The following DMKN variants were observed in gnomAD, a reference collection of about 807,000 sequenced individuals.
DMKN encodes the protein epidermis-specific secreted protein SK30/SK89.
A neutral mutation model predicts 67.6 loss-of-function variants in DMKN; 58 were observed. The observed-to-expected ratio is 0.86, with a 90% confidence interval of 0.69 to 1.07. DMKN has a LOEUF of 1.07. DMKN is among the 50% of genes least tolerant of loss of function. The probability of loss-of-function intolerance (pLI) is 0.00; values close to 1 mark genes in which losing one functional copy is unlikely to be tolerated. For missense variants in DMKN, 596 were observed against 601.5 expected (o/e 0.99, Z 0.10); for synonymous variants, 240 against 232.3 (o/e 1.03, Z -0.30).
At chr19:35,511,936 T>C in intron 3 of DMKN, 123 bp from the exon 4 acceptor site, 1 of 1,090,462 alleles carries the variant, frequency 9.2e-7, no homozygotes, top group Non-Finnish European at 1.3e-6. Flanking sequence ...CTAATGTGTT[T>C]CTCCCACCTC....
rs542079784 is a variant in DMKN, at chr19:35,507,529, G to A, written c.1039-1543C>T. ...CTTATTTCCTAGGGAGACAGAAAACGGAGAGGAGTTGATGGGGAGGCAGGC... is the reference window on the plus strand; with the variant it reads ...CTTATTTCCTAGGGAGACAGAAAACAGAGAGGAGTTGATGGGGAGGCAGGC... On this transcript the variant is annotated intron_variant, in intron 7 of 15. Transcript: ENST00000339686. 4.9e-5 allele frequency: 76 copies of A among 1,551,346 alleles called. 2 individuals carry two copies. The South Asian group carries it at 5.5e-4, about 11-fold the overall frequency.
intron 7 of DMKN, chr19:35,508,137 T>C: frequency 2.3e-5 from 36 of 1,544,730 alleles, no homozygotes; most frequent in Non-Finnish European, 3.1e-5. Context: ...GTATTGCTCC[T>C]GGAGAACAGA....
chr19:35,497,913 C>T (rs2067712454), intron 15 of DMKN: 1 of 152,208 alleles, frequency 6.6e-6, no homozygotes, highest in Non-Finnish European at 1.5e-5. Context: ...TTTCTTTCTT[C>T]TTTCTCTCTT....
chr19:35,501,803 G>A, intron 11 of DMKN: 1 of 1,554,526 alleles, frequency 6.4e-7, no homozygotes. Context: ...CCCCGCACCT[G>A]TGCACCCTGC....
Position 35,513,438 on chromosome 19 carries a change from G to A in DMKN, c.38C>T (p.Ala13Val), listed in dbSNP as rs2071118246. ...AGCCTCCCCACTGCCCAGGCAGAGG[G>A]CCAGCAGGAGGCAGGCCAGGGGCCC... is the stretch of plus-strand genomic sequence containing the variant. ...FQGPLACLLL[A>V]LCLGSGEAGP... The change falls in exon 1 of 16, where the codon GCC becomes GTC. Residue 13 changes from alanine (A) to valine (V), a missense_variant. Coordinates refer to ENST00000339686, the MANE Select transcript of DMKN (RefSeq NM_033317.5). 1.2e-6 allele frequency: 2 copies of A among 1,601,884 alleles called. No homozygotes were observed. The highest frequency in any genetic ancestry group is 2.2e-5 in the South Asian group (2 of 91,066).
intron 7 of DMKN, chr19:35,506,441 T>G (rs1008240688): frequency 3.1e-6 from 2 of 650,698 alleles, no homozygotes; most frequent in Non-Finnish European, 5.7e-6. Context: ...CATCCTGGTC[T>G]GTCCCCAAAA....
chr19:35,503,068 G>A (rs943484659), intron 9 of DMKN, among the ~76,000 whole-genome samples, 182 bp from the exon 10 acceptor site: 1 of 152,106 alleles, frequency 6.6e-6, no homozygotes, highest in Admixed American at 6.5e-5. Flanking sequence ...GAGAGAGAGA[G>A]GCACTAACCA....
Position 35,511,814 on chromosome 19 carries a change from C to A in DMKN, c.685-1G>T. The A allele has an allele frequency of 6.2e-7, 1 of 1,612,620 alleles. No homozygotes were observed. Among genetic ancestry groups the A allele is most frequent in the Non-Finnish European group, 8.5e-7 (1 of 1,179,218 alleles). On this transcript the variant is annotated splice_acceptor_variant, in intron 3 of 15. Transcript: ENST00000339686. LOFTEE classifies it high-confidence loss of function. ...AGCCAGATGGTGGGGGATTCGTGCA[C>A]TGTCGAGGGAAAGGGATGGTGAGTT... is the stretch of plus-strand genomic sequence containing the variant.
chr19:35,500,068 C>T (rs751121877), intron 12 of DMKN, 39 bp from the exon 13 acceptor site: 5 of 1,610,660 alleles, frequency 3.1e-6, no homozygotes, highest in Non-Finnish European at 4.2e-6. Flanking sequence ...AACAGACGGA[C>T]GAAGGCCATT....
chr19:35,499,919 G>T, intron 13 of DMKN, 39 bp downstream of exon 13: 1 of 1,609,072 alleles, frequency 6.2e-7, no homozygotes, highest in East Asian at 2.2e-5. Flanking sequence ...CCCTCATGCA[G>T]AGCCCCCAGC....
At position 35,511,610 on chromosome 19, in the gene DMKN, G is replaced by T. The variant is rs1306798261; in HGVS notation, c.736-17C>A. ...GCTGCCTCCCTGAGGGGCAGGAAGG[G>T]AGCAGGGCTGGGATTAAAGACAGAG... is the stretch of plus-strand genomic sequence containing the variant. On this transcript the variant is annotated splice_polypyrimidine_tract_variant and intron_variant, in intron 4 of 15. Transcript: ENST00000339686. 6.2e-7 allele frequency: 1 copy of T among 1,610,618 alleles called. No individual in the cohort carries two copies. Among genetic ancestry groups the T allele is most frequent in the Admixed American group, 1.7e-5 (1 of 59,942 alleles).
At chr19:35,499,583 C>T (rs550911116) in intron 13 of DMKN, among the ~76,000 whole-genome samples, 3 of 152,174 alleles carry the variant, frequency 2.0e-5, no homozygotes, top group Non-Finnish European at 4.4e-5. Flanking sequence ...CATCTTCCCC[C>T]GCAAAAAAAG....
chr19:35,501,722 G>T, intron 11 of DMKN: 1 of 1,257,790 alleles, frequency 8.0e-7, no homozygotes, highest in Non-Finnish European at 1.1e-6. Context: ...CCTGCACACC[G>T]CCCTCCCGTT....
At chr19:35,511,184 A>G (rs1654823076) in intron 5 of DMKN, among the ~76,000 whole-genome samples, 1 of 152,074 alleles carries the variant, frequency 6.6e-6, no homozygotes, top group Admixed American at 6.6e-5. Flanking sequence ...AAATAGGGAT[A>G]CAGAGTCAGA....
rs888598366 is a variant in DMKN, at chr19:35,497,484, A to G, written c.*55T>C. 1 of 151,746 alleles carries G rather than the reference A, an allele frequency of 6.6e-6. No individual in the cohort carries two copies. Among genetic ancestry groups the G allele is most frequent in the Non-Finnish European group, 1.5e-5 (1 of 67,894 alleles). The allele number at this position is 151,746 out of a possible 1,614,324, so 9.4% of individuals were successfully genotyped here. ...GCACAGGCTGGGGGCCAAGGGGAGG[A>G]GCTCCCTGACGACCAGTGCTTTTCG... On this transcript the variant is annotated 3_prime_UTR_variant, in exon 16 of 16. Transcript: ENST00000339686.
At chr19:35,506,358 G>C in intron 7 of DMKN, 1 of 666,636 alleles carries the variant, frequency 1.5e-6, no homozygotes, top group Non-Finnish European at 2.6e-6. Context: ...ACTTGGGAAA[G>C]CTTTCTTAGA....
chr19:35,510,528 C>T, intron 5 of DMKN: 5 of 1,540,992 alleles, frequency 3.2e-6, no homozygotes, highest in Non-Finnish European at 4.4e-6. Context: ...CCCCTGGAGC[C>T]CGGCCGCGCA....
At chr19:35,501,999 C>A in intron 11 of DMKN, 137 bp downstream of exon 11, 1 of 1,553,152 alleles carries the variant, frequency 6.4e-7, no homozygotes, top group East Asian at 2.4e-5. Context: ...CCCTCTCACC[C>A]CGCCCCCACT....
chr19:35,510,510 G>C (rs2070564468), intron 5 of DMKN: 1 of 1,547,654 alleles, frequency 6.5e-7, no homozygotes, highest in Non-Finnish European at 8.7e-7. Context: ...GCAGGCCGGG[G>C]GTGGGAACCC....
Sources: allele counts gnomAD v4.1 joint callset (sites outside exome capture counted in the v4.1 genomes callset), GRCh38; gene constraint gnomAD v4.1.1; transcripts MANE v1.5; gene names NCBI Gene and HGNC (gene_info 2026-07-23, HGNC 2026-07-21).